TAB3: variants seen among roughly 807,000 people sequenced by gnomAD.
The protein encoded by TAB3 is TGF-beta-activated kinase 1 and MAP3K7-binding protein 3.
In TAB3, 18 loss-of-function variants were observed where a neutral mutation model predicts 48.1. The ratio of observed to expected loss-of-function variants is 0.37; its 90% CI spans 0.26 to 0.55. The LOEUF (loss-of-function observed/expected upper bound fraction) is 0.55. Among genes scored for constraint, TAB3 ranks in the 20% least tolerant of loss-of-function variants. TAB3 has a pLI of 0.78. For missense variants in TAB3, 414 were observed against 549.8 expected (o/e 0.75, Z 2.47); for synonymous variants, 185 against 190.2 (o/e 0.97, Z 0.22).
intron 1 of TAB3, among the ~76,000 whole-genome samples, chrX:30,885,286 G>C (rs62590400): frequency 0.028 from 3,116 of 112,006 alleles, 46 homozygotes; most frequent in Non-Finnish European, 0.039. Context: ...CAATATGCTA[G>C]GTTTCCAAGC....
chrX:30,838,866 C>A (rs1220753374), intron 9 of TAB3, among the ~76,000 whole-genome samples: 2 of 111,866 alleles, frequency 1.8e-5, no homozygotes, highest in Non-Finnish European at 3.8e-5. Flanking sequence ...CATCCTGAGG[C>A]CTTGTTAAAT....
At chrX:30,848,016 T>C (rs1025406640) in intron 7 of TAB3, among the ~76,000 whole-genome samples, 2 of 112,520 alleles carry the variant, frequency 1.8e-5, no homozygotes, top group African/African-American at 6.5e-5. Flanking sequence ...GTTTAAAATA[T>C]ATACTTGAAC....
chrX:30,871,474 C>T (rs770787206), intron 2 of TAB3, among the ~76,000 whole-genome samples: 4 of 111,683 alleles, frequency 3.6e-5, no homozygotes, highest in African/African-American at 1.3e-4. Context: ...GTCCAAAGAA[C>T]TTGTAACTCC....
intron 2 of TAB3, among the ~76,000 whole-genome samples, chrX:30,871,476 T>C (rs1939660583): frequency 8.9e-6 from 1 of 111,811 alleles, no homozygotes. Context: ...CCAAAGAACT[T>C]GTAACTCCCA....
intron 7 of TAB3, among the ~76,000 whole-genome samples, chrX:30,851,627 C>T (rs1241077344): frequency 8.9e-6 from 1 of 111,914 alleles, no homozygotes; most frequent in Non-Finnish European, 1.9e-5. Context: ...CACAGATCCC[C>T]TTTGAAGCCA....
At chrX:30,841,525 TA>T (rs367789627) in intron 9 of TAB3, among the ~76,000 whole-genome samples, 25,642 of 101,906 alleles carry the variant, frequency 0.25, 2,651 homozygotes, top group Non-Finnish European at 0.33. Flanking sequence ...AACTTATAAA[TA>T]AAAAAAAAAA....
rs748612177 is a variant in TAB3 at position 30,855,534 on chromosome X, C to T, written c.131G>A (p.Arg44Gln). The change falls in exon 6 of 11, where the codon CGA becomes CAA. Residue 44 changes from arginine to glutamine, a missense_variant. Coordinates refer to ENST00000288422, the MANE Select transcript of TAB3 (RefSeq NM_152787.5). ...TTTGCTACTCTCCTGGGAAAGGGCTCGGCAACAGGCTTCAAGATTGTTGTT... is the reference window on the plus strand; with the variant it reads ...TTTGCTACTCTCCTGGGAAAGGGCTTGGCAACAGGCTTCAAGATTGTTGTT... ...QNNNNLEACC[R>Q]ALSQESSKYL... 65 of 1,193,866 alleles carry T rather than the reference C, an allele frequency of 5.4e-5. No homozygotes were observed. Among genetic ancestry groups the T allele is most frequent in the South Asian group, 1.7e-4 (9 of 53,721 alleles).
chrX:30,856,987 A>T (rs761411249), intron 5 of TAB3, among the ~76,000 whole-genome samples: 36 of 111,611 alleles, frequency 3.2e-4, no homozygotes, highest in Non-Finnish European at 6.4e-4. Flanking sequence ...TAGGAAGTTT[A>T]AAAAAAAGTC....
chrX:30,866,526 A>C (rs1283791310), intron 4 of TAB3, among the ~76,000 whole-genome samples: 2 of 110,959 alleles, frequency 1.8e-5, no homozygotes, highest in African/African-American at 6.6e-5. Context: ...AAAAAATCAA[A>C]ATCCCATGAT....
intron 8 of TAB3, chrX:30,845,838 A>G (rs1791135203): frequency 9.8e-6 from 4 of 409,655 alleles, no homozygotes; most frequent in Middle Eastern, 5.2e-4. Context: ...ATTAAATTGC[A>G]GAAATACAAT....
chrX:30,852,043 TACC>T (rs1363914441), intron 7 of TAB3, among the ~76,000 whole-genome samples: 1 of 112,529 alleles, frequency 8.9e-6, no homozygotes, highest in Non-Finnish European at 1.9e-5. Context: ...TCTAGCATAG[TACC>T]ACATTGCATA....
intron 9 of TAB3, among the ~76,000 whole-genome samples, chrX:30,838,797 G>C (rs374166334): frequency 1.8e-5 from 2 of 111,520 alleles, no homozygotes; most frequent in East Asian, 5.6e-4. Flanking sequence ...AAATTCTCTT[G>C]AATTTTATTT....
intron 4 of TAB3, 158 bp from the exon 5 acceptor site, chrX:30,859,836 T>C (rs2147370246): frequency 2.7e-6 from 1 of 374,210 alleles, no homozygotes; most frequent in South Asian, 6.8e-5. Flanking sequence ...CCCTCCACAA[T>C]GCTGCCAAAG....
intron 9 of TAB3, chrX:30,836,489 ACTAACT>A (rs1244028250): frequency 8.9e-6 from 1 of 111,824 alleles, no homozygotes; most frequent in Non-Finnish European, 1.9e-5. Context: ...TCCCATTATA[ACTAACT>A]CTAAGGGACT....
intron 1 of TAB3, among the ~76,000 whole-genome samples, chrX:30,876,608 T>A (rs1939844471): frequency 9.0e-6 from 1 of 111,216 alleles, no homozygotes; most frequent in South Asian, 3.9e-4. Context: ...GGGGCTCAGG[T>A]GATCTTCCCA....
At chrX:30,862,930 A>C (rs1939292833) in intron 4 of TAB3, among the ~76,000 whole-genome samples, 1 of 112,370 alleles carries the variant, frequency 8.9e-6, no homozygotes, top group African/African-American at 3.2e-5. Context: ...GAGGGAAGGA[A>C]AAAATAATTC....
chrX:30,888,285 T>A (rs192805447), intron 1 of TAB3, among the ~76,000 whole-genome samples: 1 of 112,874 alleles, frequency 8.9e-6, no homozygotes, highest in Middle Eastern at 4.6e-3. Flanking sequence ...GACTGCCTGA[T>A]TGACAAACGT....
intron 1 of TAB3, among the ~76,000 whole-genome samples, chrX:30,873,442 G>A (rs760444606): frequency 1.9e-5 from 2 of 106,372 alleles, no homozygotes; most frequent in South Asian, 8.7e-4. Context: ...GGAGAATGGC[G>A]TGAACCCGGG....
chrX:30,877,690 CAAAT>C (rs1012947449), intron 1 of TAB3, among the ~76,000 whole-genome samples: 3 of 110,576 alleles, frequency 2.7e-5, no homozygotes, highest in Admixed American at 9.6e-5. Context: ...TAAAAATAGT[CAAAT>C]AAAAGAAAAA....
Sources: allele counts gnomAD v4.1 joint callset (sites outside exome capture counted in the v4.1 genomes callset), GRCh38; gene constraint gnomAD v4.1.1; transcripts MANE v1.5; gene names NCBI Gene and HGNC (gene_info 2026-07-23, HGNC 2026-07-21).